Variants in MAP2K1 observed in about 807,000 individuals in gnomAD.
The protein encoded by MAP2K1 is dual specificity mitogen-activated protein kinase kinase 1.
Under a neutral mutation model 46.3 loss-of-function variants are expected in MAP2K1, and 16 were observed. The ratio of observed to expected loss-of-function variants is 0.35; its 90% confidence interval spans 0.23 to 0.52. MAP2K1 has a LOEUF of 0.52. Ranked by LOEUF, MAP2K1 falls within the 20% of genes least tolerant of loss-of-function variation. The pLI, the probability that MAP2K1 is intolerant of heterozygous loss-of-function variation, is 0.94. For synonymous variants in MAP2K1, 183 were observed against 185.6 expected, an observed-to-expected ratio of 0.99 and a Z score of 0.11; for missense variants, 263 against 497.1, an observed-to-expected ratio of 0.53 and a Z score of 4.48.
At chr15:66,389,572 G>GTTTTTT (rs375412152) in intron 1 of MAP2K1, among the ~76,000 whole-genome samples, 8 of 86,956 alleles carry the variant, frequency 9.2e-5, no homozygotes, top group African/African-American at 1.4e-4. Flanking sequence ...CTCTGTTGTG[G>GTTTTTT]TTTTTTTTTT....
chr15:66,420,080 C>T (rs2140552096), intron 1 of MAP2K1, among the ~76,000 whole-genome samples: 1 of 151,554 alleles, frequency 6.6e-6, no homozygotes, highest in South Asian at 2.1e-4. Context: ...CCTGTCTCTA[C>T]TAAAAATACA....
At chr15:66,410,007 C>A (rs56913458) in intron 1 of MAP2K1, among the ~76,000 whole-genome samples, 27,328 of 152,144 alleles carry the variant, frequency 0.18, 3,125 homozygotes, top group Middle Eastern at 0.29. Flanking sequence ...TGGAAAAGAT[C>A]TTGATAGTTC....
At chr15:66,478,756 C>T (rs879485887) in intron 5 of MAP2K1, among the ~76,000 whole-genome samples, 2 of 152,070 alleles carry the variant, frequency 1.3e-5, no homozygotes, top group Middle Eastern at 3.2e-3. Flanking sequence ...GGGTTACAGA[C>T]GTGAGCCACT....
chr15:66,473,622 C>A (rs190351249), intron 5 of MAP2K1, among the ~76,000 whole-genome samples: 1 of 152,100 alleles, frequency 6.6e-6, no homozygotes, highest in Non-Finnish European at 1.5e-5. Flanking sequence ...CTCTGTACCC[C>A]CTATACCTTT....
chr15:66,465,832 G>T (rs1285686366), intron 5 of MAP2K1, among the ~76,000 whole-genome samples: 1 of 152,216 alleles, frequency 6.6e-6, no homozygotes, highest in Non-Finnish European at 1.5e-5. Context: ...TTTCTATGAA[G>T]TACAGTAAGA....
chr15:66,487,587 A>C (rs1567026764), intron 8 of MAP2K1, among the ~76,000 whole-genome samples: 3 of 151,790 alleles, frequency 2.0e-5, no homozygotes, highest in African/African-American at 7.3e-5. Context: ...TGACTCTGGG[A>C]AAAACAAAAC....
At chr15:66,441,362 A>AT (rs1402769218) in intron 3 of MAP2K1, among the ~76,000 whole-genome samples, 1 of 152,164 alleles carries the variant, frequency 6.6e-6, no homozygotes, top group African/African-American at 2.4e-5. Context: ...CCTAGGCTGC[A>AT]TTTAGGGTCA....
At chr15:66,403,038 A>G (rs528706460) in intron 1 of MAP2K1, among the ~76,000 whole-genome samples, 1 of 152,312 alleles carries the variant, frequency 6.6e-6, no homozygotes, top group East Asian at 1.9e-4. Flanking sequence ...GATGGGACCT[A>G]ACAGGTTCTC....
intron 4 of MAP2K1, 81 bp from the exon 5 acceptor site, chr15:66,444,575 T>G: frequency 9.6e-7 from 1 of 1,046,250 alleles, no homozygotes; most frequent in East Asian, 2.4e-5. Flanking sequence ...AATGAAGTAT[T>G]TTCCTAGAGT....
intron 1 of MAP2K1, among the ~76,000 whole-genome samples, chr15:66,408,927 T>G (rs2093404692): frequency 6.6e-6 from 1 of 152,124 alleles, no homozygotes; most frequent in Non-Finnish European, 1.5e-5. Context: ...CAGTTACTTA[T>G]GTAATTGTCT....
At chr15:66,413,844 G>A (rs1399779041) in intron 1 of MAP2K1, among the ~76,000 whole-genome samples, 5 of 151,902 alleles carry the variant, frequency 3.3e-5, no homozygotes, top group Non-Finnish European at 7.4e-5. Flanking sequence ...TATCCCCAAA[G>A]CAGGGATCTG....
chr15:66,455,003 TCAGG>T (rs1036461872), intron 5 of MAP2K1, among the ~76,000 whole-genome samples: 16 of 152,124 alleles, frequency 1.1e-4, no homozygotes, highest in African/African-American at 3.6e-4. Flanking sequence ...GTTGGCTCAG[TCAGG>T]CAGAGAAATA....
At chr15:66,415,342 T>G (rs1176830917) in intron 1 of MAP2K1, 8 of 309,798 alleles carry the variant, frequency 2.6e-5, no homozygotes, top group Non-Finnish European at 3.7e-5. Context: ...TTCCAAAGAT[T>G]TAGAGGTTAC....
chr15:66,436,889 C>T lies in MAP2K1; in HGVS notation c.435C>T (p.His145=), dbSNP rs1369638918. Residue 145 remains histidine, a synonymous_variant, in exon 3 of 11, where the codon CAC becomes CAT. Coordinates refer to ENST00000307102, the MANE Select transcript of MAP2K1 (RefSeq NM_002755.4). The part of the protein sequence containing the change: ...SDGEISICME[H]MDGGSLDQVL... ...GCGAGATCAGTATCTGCATGGAGCACATGGTATGTGACACCCTCTCAGCCT... is the reference window on the plus strand; with the variant it reads ...GCGAGATCAGTATCTGCATGGAGCATATGGTATGTGACACCCTCTCAGCCT... The T allele has an allele frequency of 7.4e-6, 12 of 1,614,104 alleles. No homozygotes were observed. The highest frequency in any genetic ancestry group is 1.0e-5 in the Non-Finnish European group (12 of 1,179,978).
rs558794399 is a variant in MAP2K1 at position 66,471,392 on chromosome 15, A to G, written c.569-10363A>G. Among the ~76,000 whole-genome samples the G allele has an allele frequency of 3.9e-5, 6 of 152,200 alleles. No individual in the cohort carries two copies. In the South Asian group the frequency reaches 6.2e-4, roughly 16 times the overall value. ...TAGTACCTGCCAGACATTAGCAGGT[A>G]GGAGTTACTATTCCCACCTGACAGT... On this transcript the variant is annotated intron_variant, in intron 5 of 10. Transcript: ENST00000307102.
intron 5 of MAP2K1, among the ~76,000 whole-genome samples, chr15:66,478,238 TTA>T (rs201230001): frequency 1.4e-5 from 2 of 143,398 alleles, no homozygotes; most frequent in Non-Finnish European, 1.5e-5. Flanking sequence ...CAGGGTTTTA[TTA>T]TATATATATA....
chr15:66,470,104 T>G (rs1314895824), intron 5 of MAP2K1, among the ~76,000 whole-genome samples: 5 of 141,398 alleles, frequency 3.5e-5, no homozygotes, highest in African/African-American at 1.0e-4. Context: ...GTTTTTTTTT[T>G]TTTTTTTTTT....
rs1156752158 is a variant in MAP2K1, at chr15:66,487,381, G to A, written c.960+89G>A. 5 of 1,237,070 alleles carry A rather than the reference G, an allele frequency of 4.0e-6. No homozygotes were observed. The African/African-American group carries it at 7.4e-5, about 18-fold the overall frequency. 76.6% of individuals were successfully genotyped at this position (1,237,070 alleles called of 1,614,324 possible). On this transcript the variant is annotated intron_variant, in intron 8 of 10. Transcript: ENST00000307102. ...TGGCCGGGTGCAGTGGTTCACGCCT[G>A]TAATCCCAGCAGTTTGGGAGGCTGA...
chr15:66,417,160 G>A (rs1307100889), intron 1 of MAP2K1, among the ~76,000 whole-genome samples: 1 of 152,072 alleles, frequency 6.6e-6, no homozygotes, highest in Non-Finnish European at 1.5e-5. Context: ...TATCAGTTTT[G>A]GTTTTAATTA....
Sources: gnomAD v4.1 joint callset for allele counts (sites outside exome capture counted in the v4.1 genomes callset) on GRCh38, gnomAD v4.1.1 for gene constraint, MANE v1.5 for transcripts, NCBI Gene and HGNC (gene_info 2026-07-23, HGNC 2026-07-21) for gene names.